Variants in ZFHX3 observed in about 807,000 individuals in gnomAD.
ZFHX3 encodes the protein zinc finger homeobox protein 3.
ZFHX3 carries 42 observed loss-of-function variants against 279.1 expected under a neutral mutation model. The ratio of observed to expected loss-of-function variants is 0.15; its 90% CI spans 0.12 to 0.19. The LOEUF (loss-of-function observed/expected upper bound fraction) is 0.19, where lower values mean the gene tolerates loss of function less well. ZFHX3 is among the 10% of genes least tolerant of loss of function. The pLI is 1.00. For missense variants in ZFHX3, 4,981 were observed against 4,754.0 expected (o/e 1.05, Z -1.40); for synonymous variants, 2,293 against 1,957.8 (o/e 1.17, Z -4.52).
At chr16:72,956,510 C>T (rs889831539) in intron 2 of ZFHX3, among the ~76,000 whole-genome samples, 11 of 152,114 alleles carry the variant, frequency 7.2e-5, no homozygotes, top group Non-Finnish European at 1.2e-4. Context: ...GGCTGTGGTT[C>T]GTTCTACGTA....
intron 2 of ZFHX3, among the ~76,000 whole-genome samples, chr16:73,581,011 C>A (rs1172610799): frequency 1.3e-5 from 2 of 151,844 alleles, no homozygotes; most frequent in South Asian, 2.1e-4. Flanking sequence ...AGATCACAGT[C>A]TGGACACAAG....
At chr16:72,874,925 G>C (rs2038271578) in intron 4 of ZFHX3, among the ~76,000 whole-genome samples, 1 of 146,764 alleles carries the variant, frequency 6.8e-6, no homozygotes, top group Admixed American at 6.8e-5. Context: ...CAAAAACAAG[G>C]ACCAAGACCT....
rs558756234 is a variant in ZFHX3, at chr16:73,297,598, A to C, written c.-1194+20642T>G. On this transcript the variant is annotated intron_variant, in intron 4 of 17. Transcript: ENST00000641206. The stretch of plus-strand genomic sequence containing the variant: ...CTATCCACAACCTGCTTGCTTTAGC[A>C]TGCAGGAGTCAAACGGGACACATGT... Among the ~76,000 whole-genome samples the C allele has an allele frequency of 5.9e-5, 9 of 152,176 alleles. No homozygotes were observed. The East Asian group carries it at 1.7e-3, about 29-fold the overall frequency.
Position 73,300,402 on chromosome 16 carries a change from C to G in ZFHX3, c.-1194+17838G>C, listed in dbSNP as rs1029612418. On this transcript the variant is annotated intron_variant, in intron 4 of 17. Transcript: ENST00000641206. ...CTTCAGCAGCCCCTCTGGACTCTAC[C>G]TAGAGGACACTGAGGCATAAAGATG... Among the ~76,000 whole-genome samples, 3 of 152,130 alleles carry G rather than the reference C, an allele frequency of 2.0e-5. No individual in the cohort carries two copies. The East Asian group carries it at 5.8e-4, about 29-fold the overall frequency.
rs2020202873 is a variant in ZFHX3, at chr16:73,551,407, A to G, written c.-1546-95149T>C. Among the ~76,000 whole-genome samples the G allele has an allele frequency of 3.3e-5, 5 of 152,364 alleles. No individual in the cohort carries two copies. The South Asian group carries it at 1.0e-3, about 32-fold the overall frequency. ...AATTATGCATCTGTTTTGTCTTAAA[A>G]GTAAATATCTAATTAAAAAGATAAT... On this transcript the variant is annotated intron_variant, in intron 2 of 17. Transcript: ENST00000641206.
intron 1 of ZFHX3, among the ~76,000 whole-genome samples, chr16:73,778,203 C>T (rs2142299936): frequency 7.9e-6 from 1 of 126,864 alleles, no homozygotes; most frequent in East Asian, 2.3e-4. Context: ...AGAGACACCA[C>T]ATAAACCACT....
At chr16:72,876,926 CAG>C (rs1231917205) in intron 4 of ZFHX3, among the ~76,000 whole-genome samples, 3 of 152,086 alleles carry the variant, frequency 2.0e-5, no homozygotes, top group Non-Finnish European at 4.4e-5. Context: ...CCAAGGGGAA[CAG>C]AGACTTGGCG....
chr16:73,024,413 G>A (rs1027186397), intron 1 of ZFHX3, among the ~76,000 whole-genome samples: 7 of 152,082 alleles, frequency 4.6e-5, no homozygotes, highest in South Asian at 2.1e-4. Flanking sequence ...CCCCAGCCAC[G>A]GGCAGGAGGC....
rs201116956 is a variant in ZFHX3, at chr16:73,026,693, A to AAAAAAAAAC, written c.-50+21058_-50+21059insGTTTTTTTT. On this transcript the variant is annotated intron_variant, in intron 1 of 9. Coordinates refer to ENST00000268489, the MANE Select transcript of ZFHX3 (RefSeq NM_006885.4). ...TGCCTCAAAAAAAAAAAAAAAAAAA[A>AAAAAAAAAC]AACACATAGTAAAGGGTCTGCTCAT... 7.2e-4 allele frequency among the ~76,000 whole-genome samples: 104 copies of AAAAAAAAAC among 144,682 alleles called. 1 individual carries two copies. Among genetic ancestry groups the AAAAAAAAAC allele is most frequent in the Non-Finnish European group, 9.9e-4 (65 of 65,802 alleles). The allele number at this position is 144,682 out of a possible 152,430, so 94.9% of individuals were successfully genotyped here. A position where few individuals can be genotyped will look rare whatever the true frequency, so the allele number is the denominator to read the frequency against.
chr16:72,998,521 A>G (rs527851127), intron 1 of ZFHX3, among the ~76,000 whole-genome samples: 13 of 152,320 alleles, frequency 8.5e-5, no homozygotes, highest in Admixed American at 7.2e-4. Context: ...TTTTATTAAG[A>G]CAGTTTCCCC....
At chr16:72,880,484 CAAG>C (rs1259721958) in intron 4 of ZFHX3, among the ~76,000 whole-genome samples, 3 of 152,092 alleles carry the variant, frequency 2.0e-5, no homozygotes. Context: ...TATATGAGAC[CAAG>C]GCCTCGGGAG....
chr16:73,350,687 G>C (rs183294480), intron 3 of ZFHX3, among the ~76,000 whole-genome samples: 2 of 152,160 alleles, frequency 1.3e-5, no homozygotes, highest in African/African-American at 4.8e-5. Context: ...CTGACCCTTC[G>C]GTCAAGTGCT....
In ZFHX3 at chr16:72,795,206, G is replaced by C; in HGVS notation, c.7476C>G (p.Cys2492Trp). ...QPPPQAPPPQ[C>W]PLPQSSPSPS... The stretch of plus-strand genomic sequence containing the variant: ...GACTGGGGCTCGACTGGGGTAAGGG[G>C]CACTGTGGAGGGGGCGCTTGTGGAG... The change falls in exon 9 of 10, where the codon TGC becomes TGG. Residue 2492 changes from cysteine (C) to tryptophan (W), a missense_variant. Cys to Trp is a radical substitution (Grantham distance 215). Transcript: ENST00000268489. 1 of 1,607,520 alleles carries C rather than the reference G, an allele frequency of 6.2e-7. No homozygotes were observed.
chr16:73,021,098 T>C (rs1016459771), intron 1 of ZFHX3, among the ~76,000 whole-genome samples: 1 of 152,362 alleles, frequency 6.6e-6, no homozygotes, highest in Non-Finnish European at 1.5e-5. Flanking sequence ...ACTTGGCACC[T>C]TACCCTTTTA....
At chr16:73,596,260 T>C (rs887955995) in intron 2 of ZFHX3, among the ~76,000 whole-genome samples, 1 of 152,126 alleles carries the variant, frequency 6.6e-6, no homozygotes, top group Non-Finnish European at 1.5e-5. Context: ...CCTGACTTCG[T>C]GATCCACCCA....
chr16:73,435,129 C>G (rs934050937), intron 3 of ZFHX3, among the ~76,000 whole-genome samples: 2 of 152,086 alleles, frequency 1.3e-5, no homozygotes, highest in South Asian at 4.2e-4. Context: ...GCAGAGATTT[C>G]CCAGGTCACA....
intron 4 of ZFHX3, among the ~76,000 whole-genome samples, chr16:72,863,103 A>G (rs1192468511): frequency 2.0e-5 from 3 of 152,088 alleles, no homozygotes; most frequent in Non-Finnish European, 4.4e-5. Flanking sequence ...TAAAATAAAT[A>G]AAAATAATCC....
At chr16:72,902,268 A>AT (rs991122481) in intron 3 of ZFHX3, among the ~76,000 whole-genome samples, 10 of 152,150 alleles carry the variant, frequency 6.6e-5, no homozygotes, top group Admixed American at 6.5e-4. Flanking sequence ...TCGTTCCTTT[A>AT]AGAGGTTCTC....
chr16:73,119,656 A>G (rs1427068544), intron 7 of ZFHX3, among the ~76,000 whole-genome samples: 1 of 152,200 alleles, frequency 6.6e-6, no homozygotes, highest in Non-Finnish European at 1.5e-5. Flanking sequence ...TCTAACAGTT[A>G]CATCATAGGA....
Sources: allele counts gnomAD v4.1 joint callset (sites outside exome capture counted in the v4.1 genomes callset), GRCh38; gene constraint gnomAD v4.1.1; transcripts MANE v1.5; gene names NCBI Gene and HGNC (gene_info 2026-07-23, HGNC 2026-07-21).